The following TAFA2 variants were observed in gnomAD, a reference collection of about 807,000 sequenced individuals.
TAFA2 encodes the protein chemokine-like protein TAFA-2.
TAFA2 carries 7 observed loss-of-function variants against 18.8 expected under a neutral mutation model. The ratio of observed to expected loss-of-function variants is 0.37; its 90% CI spans 0.21 to 0.70. The LOEUF (loss-of-function observed/expected upper bound fraction) is 0.70, where lower values mean the gene tolerates loss of function less well. Among genes scored for constraint, TAFA2 ranks in the 30% least tolerant of loss-of-function variants. The probability of loss-of-function intolerance (pLI) is 0.53; values close to 1 mark genes in which losing one functional copy is unlikely to be tolerated. For synonymous variants in TAFA2, 60 were observed against 54.2 expected, an observed-to-expected ratio of 1.11 and a Z score of -0.47; for missense variants, 122 against 158.1, an observed-to-expected ratio of 0.77 and a Z score of 1.23.
intron 2 of TAFA2, 55 bp downstream of exon 2, chr12:61,867,265 T>A: frequency 9.1e-7 from 1 of 1,098,276 alleles, no homozygotes. Flanking sequence ...TAACAGTCTG[T>A]GTTAAGGGTA....
chr12:61,818,561 T>A (rs1056942154), intron 2 of TAFA2, among the ~76,000 whole-genome samples: 4 of 151,700 alleles, frequency 2.6e-5, no homozygotes, highest in Non-Finnish European at 5.9e-5. Context: ...TACCCATGTA[T>A]AGAGCAAAGC....
At chr12:61,724,238 G>A (rs1870033892) in intron 4 of TAFA2, among the ~76,000 whole-genome samples, 1 of 151,932 alleles carries the variant, frequency 6.6e-6, no homozygotes, top group Admixed American at 6.6e-5. Flanking sequence ...CTTTGATTTG[G>A]GGTTTCCCCC....
rs893503088 is a variant in TAFA2, at chr12:61,973,066, G to A, written c.-1-105640C>T. The stretch of plus-strand genomic sequence containing the variant: ...TGTGAATTATACAAAAGAACAGTAT[G>A]TTTTTCCTTTTCAGACACATAACTC... On this transcript the variant is annotated intron_variant, in intron 1 of 4. Coordinates refer to ENST00000416284, the MANE Select transcript of TAFA2 (RefSeq NM_178539.5). Among the ~76,000 whole-genome samples, 3 of 151,596 alleles carry A rather than the reference G, an allele frequency of 2.0e-5. No individual in the cohort carries two copies. In the East Asian group the frequency reaches 5.8e-4, roughly 29 times the overall value.
At chr12:62,007,620 G>A (rs1025575797) in intron 1 of TAFA2, among the ~76,000 whole-genome samples, 1 of 152,100 alleles carries the variant, frequency 6.6e-6, no homozygotes, top group Non-Finnish European at 1.5e-5. Flanking sequence ...TATAAAGATA[G>A]CTCATCTTGA....
intron 1 of TAFA2, among the ~76,000 whole-genome samples, chr12:61,948,750 A>G (rs956577721): frequency 6.6e-6 from 1 of 152,174 alleles, no homozygotes; most frequent in Admixed American, 6.5e-5. Flanking sequence ...GGGTGTTTGC[A>G]TTGTAATCCT....
chr12:61,862,417 A>T (rs566242198), intron 2 of TAFA2, among the ~76,000 whole-genome samples: 14 of 152,338 alleles, frequency 9.2e-5, no homozygotes, highest in African/African-American at 3.4e-4. Flanking sequence ...GGTTTTATTA[A>T]GAAGATGACA....
At chr12:62,197,109 T>G (rs1293311473), upstream of TAFA2, among the ~76,000 whole-genome samples, 2 of 152,202 alleles carry the variant, frequency 1.3e-5, no homozygotes, top group African/African-American at 4.8e-5. Flanking sequence ...GGTTGTGCGC[T>G]CCTTATGAGA....
At chr12:61,864,991 C>G (rs1440140571) in intron 2 of TAFA2, among the ~76,000 whole-genome samples, 1 of 152,032 alleles carries the variant, frequency 6.6e-6, no homozygotes, top group Non-Finnish European at 1.5e-5. Context: ...AAGCCTTAAC[C>G]CTGATGAAAG....
chr12:61,937,128 T>C (rs1181853440), intron 1 of TAFA2, among the ~76,000 whole-genome samples: 5 of 152,040 alleles, frequency 3.3e-5, no homozygotes, highest in African/African-American at 1.2e-4. Flanking sequence ...TACAAGGAAC[T>C]AAAAAACACT....
Position 62,148,075 on chromosome 12 carries a change from G to A in TAFA2, c.-2+43184C>T, listed in dbSNP as rs182468914. On this transcript the variant is annotated intron_variant, in intron 1 of 4. Coordinates refer to ENST00000416284, the MANE Select transcript of TAFA2 (RefSeq NM_178539.5). ...AAGTCAAAAAAAAGCAGATGTTGGC[G>A]AGCTTGCAGAGAAAAATGTATGCTT... is the stretch of plus-strand genomic sequence containing the variant. Among the ~76,000 whole-genome samples, 15 of 152,250 alleles carry A rather than the reference G, an allele frequency of 9.9e-5. 1 individual carries two copies. The highest frequency in any genetic ancestry group is 2.1e-4 in the South Asian group (1 of 4,828).
chr12:62,080,671 G>A (rs1279381799), intron 1 of TAFA2, among the ~76,000 whole-genome samples: 1 of 152,002 alleles, frequency 6.6e-6, no homozygotes, highest in Non-Finnish European at 1.5e-5. Flanking sequence ...AACTTCTTTG[G>A]TCTTCAGTTT....
intron 2 of TAFA2, among the ~76,000 whole-genome samples, chr12:61,813,858 G>A (rs1871971841): frequency 6.6e-6 from 1 of 151,400 alleles, no homozygotes; most frequent in Non-Finnish European, 1.5e-5. Context: ...ATACTGTTGT[G>A]AAGCTTAGAC....
At chr12:62,127,458 T>G (rs1441485793) in intron 1 of TAFA2, among the ~76,000 whole-genome samples, 1 of 152,210 alleles carries the variant, frequency 6.6e-6, no homozygotes, top group Middle Eastern at 3.4e-3. Context: ...AATTGCTATC[T>G]TTTTTCTGTG....
intron 1 of TAFA2, among the ~76,000 whole-genome samples, chr12:62,246,053 C>G: frequency 6.6e-6 from 1 of 150,636 alleles, no homozygotes; most frequent in Non-Finnish European, 1.5e-5. Context: ...GTGGCGCAAT[C>G]TCAGCTCACT....
intron 1 of TAFA2, among the ~76,000 whole-genome samples, chr12:61,959,662 C>A (rs985722012): frequency 4.6e-5 from 7 of 152,010 alleles, no homozygotes; most frequent in Non-Finnish European, 1.0e-4. Flanking sequence ...TTAACATTAA[C>A]CATTATGCTT....
chr12:62,105,924 C>T (rs11174322), intron 1 of TAFA2, among the ~76,000 whole-genome samples: 8,573 of 152,234 alleles, frequency 0.056, 341 homozygotes, highest in South Asian at 0.09. Flanking sequence ...CACATGCAAC[C>T]GTTAGGAAGT....
chr12:62,199,317 C>A (rs2062661678), intron 1 of TAFA2, among the ~76,000 whole-genome samples: 1 of 152,106 alleles, frequency 6.6e-6, no homozygotes. Context: ...GGGTATTATA[C>A]CCCCATGCAT....
At chr12:62,089,310 G>A (rs997162120) in intron 1 of TAFA2, among the ~76,000 whole-genome samples, 1 of 152,024 alleles carries the variant, frequency 6.6e-6, no homozygotes, top group Non-Finnish European at 1.5e-5. Flanking sequence ...GATTAGTTGT[G>A]TTTCAAAGGG....
chr12:61,901,876 G>T (rs1453087313), intron 1 of TAFA2, among the ~76,000 whole-genome samples: 2 of 152,100 alleles, frequency 1.3e-5, no homozygotes, highest in Non-Finnish European at 2.9e-5. Flanking sequence ...TTCTAAGAAT[G>T]GGTTCTGTTT....
Sources: allele counts gnomAD v4.1 joint callset (sites outside exome capture counted in the v4.1 genomes callset), GRCh38; gene constraint gnomAD v4.1.1; transcripts MANE v1.5; gene names NCBI Gene and HGNC (gene_info 2026-07-23, HGNC 2026-07-21).